ESR1: variants seen among roughly 807,000 people sequenced by gnomAD.
ESR1 encodes the protein estrogen receptor.
A neutral mutation model predicts 52.7 loss-of-function variants in ESR1; 12 were observed. That is an observed-to-expected ratio of 0.23 (90% CI 0.15 to 0.37). The LOEUF (loss-of-function observed/expected upper bound fraction) is 0.37. ESR1 is among the 10% of genes least tolerant of loss of function. ESR1 has a pLI of 1.00. For synonymous variants in ESR1, 305 were observed against 316.8 expected, an observed-to-expected ratio of 0.96 and a Z score of 0.39; for missense variants, 584 against 779.7, an observed-to-expected ratio of 0.75 and a Z score of 2.99.
chr6:151,856,483 T>A (rs920931788), intron 2 of ESR1, among the ~76,000 whole-genome samples: 16 of 152,194 alleles, frequency 1.1e-4, no homozygotes, highest in Admixed American at 9.8e-4. Context: ...GAACAATTAG[T>A]AGATGATACA....
chr6:151,664,761 C>T (rs182445615), intron 1 of ESR1, among the ~76,000 whole-genome samples: 42 of 152,224 alleles, frequency 2.8e-4, no homozygotes, highest in Admixed American at 2.5e-3. Context: ...AAACAGCATT[C>T]GATGTTTTAG....
intron 2 of ESR1, among the ~76,000 whole-genome samples, chr6:151,718,468 C>A (rs1438197318): frequency 6.6e-6 from 1 of 152,122 alleles, no homozygotes; most frequent in Admixed American, 6.5e-5. Context: ...ATTTTAAAAC[C>A]ATGCATGAGA....
intron 5 of ESR1, among the ~76,000 whole-genome samples, chr6:152,023,169 A>G (rs1215934729): frequency 6.6e-6 from 1 of 152,160 alleles, no homozygotes; most frequent in Admixed American, 6.5e-5. Flanking sequence ...AGTATAATTT[A>G]TAAAAGAGAA....
At chr6:151,990,850 T>A (rs975224149) in intron 4 of ESR1, among the ~76,000 whole-genome samples, 3 of 152,240 alleles carry the variant, frequency 2.0e-5, no homozygotes, top group Non-Finnish European at 2.9e-5. Context: ...CTTCCACTTT[T>A]AATTCTATAG....
intron 1 of ESR1, among the ~76,000 whole-genome samples, chr6:151,667,875 A>G (rs1216001360): frequency 6.6e-6 from 1 of 152,234 alleles, no homozygotes; most frequent in African/African-American, 2.4e-5. Flanking sequence ...AAAGAGAGAA[A>G]TTATGTGTAT....
At chr6:151,712,949 A>G (rs930773806) in intron 2 of ESR1, among the ~76,000 whole-genome samples, 1 of 152,152 alleles carries the variant, frequency 6.6e-6, no homozygotes. Context: ...GCTTTTGCCC[A>G]TTCAGTATAG....
rs926983860 is a variant in ESR1, at chr6:152,079,873, A to G, written c.1370-14512A>G. ...CAAGCTTCGATAGCTGATTTGATCA[A>G]GTGGAAGAAAGGATATCAGTGATTG... On this transcript the variant is annotated intron_variant, in intron 6 of 7. Transcript: ENST00000206249. Among the ~76,000 whole-genome samples, 4 of 152,258 alleles carry G rather than the reference A, an allele frequency of 2.6e-5. No individual in the cohort carries two copies. In the East Asian group the frequency reaches 7.7e-4, roughly 29 times the overall value.
At chr6:151,795,740 T>G (rs1164700564) in intron 2 of ESR1, among the ~76,000 whole-genome samples, 1 of 152,180 alleles carries the variant, frequency 6.6e-6, no homozygotes, top group Non-Finnish European at 1.5e-5. Flanking sequence ...ATTTACTAAT[T>G]GTAGCATTGT....
At chr6:151,979,222 G>A (rs2039752830) in intron 4 of ESR1, among the ~76,000 whole-genome samples, 1 of 152,208 alleles carries the variant, frequency 6.6e-6, no homozygotes, top group South Asian at 2.1e-4. Context: ...TGAGGCACTA[G>A]GGGTTAGGGT....
chr6:151,773,783 C>A, intron 2 of ESR1, among the ~76,000 whole-genome samples: 1 of 152,168 alleles, frequency 6.6e-6, no homozygotes, highest in Admixed American at 6.5e-5. Context: ...AATCTAATCA[C>A]CTTGAAAGAA....
intron 1 of ESR1, among the ~76,000 whole-genome samples, chr6:151,700,798 GT>G (rs987020586): frequency 6.8e-5 from 10 of 146,710 alleles, no homozygotes; most frequent in South Asian, 2.1e-4. Flanking sequence ...AATTCAACAA[GT>G]TTTTTTCCCC....
intron 3 of ESR1, among the ~76,000 whole-genome samples, chr6:151,930,429 C>T (rs1202959324): frequency 6.6e-6 from 1 of 152,060 alleles, no homozygotes; most frequent in African/African-American, 2.4e-5. Flanking sequence ...TTCTCAATTC[C>T]TCCTTACTGT....
chr6:151,779,916 A>AG (rs1400459478), intron 2 of ESR1, among the ~76,000 whole-genome samples: 6 of 144,212 alleles, frequency 4.2e-5, no homozygotes, highest in Non-Finnish European at 9.3e-5. Context: ...AAAAAAAAAA[A>AG]AAAAGGAAAT....
chr6:152,003,182 G>A (rs1374734256), intron 4 of ESR1, among the ~76,000 whole-genome samples: 1 of 151,716 alleles, frequency 6.6e-6, no homozygotes, highest in South Asian at 2.1e-4. Context: ...TTATTTTTTT[G>A]TGATCCCCAA....
At chr6:151,869,957 G>A (rs938044870) in intron 2 of ESR1, among the ~76,000 whole-genome samples, 12 of 152,172 alleles carry the variant, frequency 7.9e-5, no homozygotes, top group African/African-American at 2.9e-4. Flanking sequence ...TACAGATGTG[G>A]TTGTGAAATA....
intron 3 of ESR1, among the ~76,000 whole-genome samples, chr6:151,926,366 A>G (rs914078971): frequency 5.3e-5 from 8 of 152,160 alleles, no homozygotes; most frequent in Non-Finnish European, 7.4e-5. Flanking sequence ...TCAATTGTCA[A>G]TATCTACAAA....
chr6:152,114,405 C>A (rs560466170), intron 6 of ESR1, among the ~76,000 whole-genome samples: 1 of 152,194 alleles, frequency 6.6e-6, no homozygotes, highest in Admixed American at 6.5e-5. Flanking sequence ...GAAAGCTCAT[C>A]TCCTAGGATT....
chr6:151,834,249 G>A (rs983690911), intron 1 of ESR1, among the ~76,000 whole-genome samples: 13 of 152,122 alleles, frequency 8.5e-5, no homozygotes, highest in African/African-American at 1.9e-4. Flanking sequence ...ACATGCACAC[G>A]TATGTTTATT....
intron 3 of ESR1, among the ~76,000 whole-genome samples, chr6:151,882,093 T>C (rs1230075387): frequency 6.6e-6 from 1 of 152,084 alleles, no homozygotes; most frequent in Non-Finnish European, 1.5e-5. Context: ...AAAGGAATAG[T>C]GATTTTGCAA....
Sources: allele counts gnomAD v4.1 joint callset (sites outside exome capture counted in the v4.1 genomes callset), GRCh38; gene constraint gnomAD v4.1.1; transcripts MANE v1.5; gene names NCBI Gene and HGNC (gene_info 2026-07-23, HGNC 2026-07-21).